KLHL29: variants seen among roughly 807,000 people sequenced by gnomAD.
KLHL29 encodes the protein kelch like family member 29.
In KLHL29, 21 loss-of-function variants were observed where a neutral mutation model predicts 80.4. The ratio of observed to expected loss-of-function variants is 0.26; its 90% CI spans 0.19 to 0.38. The LOEUF (loss-of-function observed/expected upper bound fraction) is 0.38. Among genes scored for constraint, KLHL29 ranks in the 10% least tolerant of loss-of-function variants. The pLI is 1.00. For missense variants in KLHL29, 867 were observed against 1,223.9 expected, an observed-to-expected ratio of 0.71 and a Z score of 4.35; for synonymous variants, 511 against 526.8, an observed-to-expected ratio of 0.97 and a Z score of 0.41.
chr2:23,411,421 GT>G (rs1558328194), intron 1 of KLHL29, among the ~76,000 whole-genome samples: 7 of 150,988 alleles, frequency 4.6e-5, no homozygotes, highest in Admixed American at 4.6e-4. Flanking sequence ...GTGTGTGTGT[GT>G]GTGGTCAAGG....
intron 2 of KLHL29, among the ~76,000 whole-genome samples, chr2:23,536,694 A>T (rs1407498466): frequency 6.6e-6 from 1 of 152,144 alleles, no homozygotes; most frequent in African/African-American, 2.4e-5. Flanking sequence ...GGTTTGCTGC[A>T]GTCAGGCCGT....
chr2:23,448,088 A>G (rs149729310), intron 1 of KLHL29, among the ~76,000 whole-genome samples: 161 of 152,212 alleles, frequency 1.1e-3, no homozygotes, highest in African/African-American at 3.8e-3. Flanking sequence ...AAAATACTCA[A>G]AGTATTAGTA....
Position 23,555,131 on chromosome 2 carries a change from CT to C in KLHL29, c.-45-7020del, listed in dbSNP as rs1243991177. On this transcript the variant is annotated intron_variant, in intron 2 of 13. Transcript: ENST00000486442. ...TATGGAGGATGACCTCCCCCCCCCC[CT>C]CAACTTGTGTCTCCCAGTGTCCCTG... Among the ~76,000 whole-genome samples, 356 of 110,622 alleles carry C rather than the reference CT, an allele frequency of 3.2e-3. 1 individual carries two copies. The highest frequency in any genetic ancestry group is 0.011 in the African/African-American group (231 of 20,810). The allele number at this position is 110,622 out of a possible 152,430, so 72.6% of individuals were successfully genotyped here.
At position 23,700,459 on chromosome 2, in the gene KLHL29, C is replaced by G. The variant is rs1184021413; in HGVS notation, c.2106-2727C>G. Reference sequence around the variant, plus strand: ...ATTGCGCCTCTCCAGGGAGGAGATTCCAGAGAATGGTGGCCACAGCACATC... The same window carrying G: ...ATTGCGCCTCTCCAGGGAGGAGATTGCAGAGAATGGTGGCCACAGCACATC... On this transcript the variant is annotated intron_variant, in intron 11 of 13. Coordinates refer to ENST00000486442, the MANE Select transcript of KLHL29 (RefSeq NM_052920.2). The surrounding 1 kb of genome is among the most constrained non-coding windows in gnomAD (Gnocchi z 4.6). Among the ~76,000 whole-genome samples, 1 of 152,150 alleles carries G rather than the reference C, an allele frequency of 6.6e-6. No homozygotes were observed.
intron 5 of KLHL29, among the ~76,000 whole-genome samples, chr2:23,670,857 G>A (rs1478526079): frequency 1.4e-5 from 2 of 146,198 alleles, no homozygotes; most frequent in East Asian, 4.2e-4. Flanking sequence ...CTTCCTCCTG[G>A]AAGACCATGA....
intron 3 of KLHL29, chr2:23,617,517 G>A (rs1036860029): frequency 6.6e-6 from 1 of 152,230 alleles, no homozygotes; most frequent in African/African-American, 2.4e-5. Flanking sequence ...GCGTTAATAG[G>A]GGAAGGCTGT....
At chr2:23,390,360 C>T (rs1384747273) in intron 1 of KLHL29, among the ~76,000 whole-genome samples, 1 of 152,124 alleles carries the variant, frequency 6.6e-6, no homozygotes, top group African/African-American at 2.4e-5. Flanking sequence ...ACAAGAACGG[C>T]GAGCATGGTT....
chr2:23,589,055 G>A (rs974648865), intron 3 of KLHL29, among the ~76,000 whole-genome samples: 7 of 152,224 alleles, frequency 4.6e-5, no homozygotes, highest in African/African-American at 9.6e-5. Flanking sequence ...CCCAGGATGC[G>A]TCTTATTCAT....
At chr2:23,521,109 T>C (rs1296374721) in intron 2 of KLHL29, among the ~76,000 whole-genome samples, 1 of 152,014 alleles carries the variant, frequency 6.6e-6, no homozygotes, top group Non-Finnish European at 1.5e-5. Flanking sequence ...ATGGTGGATA[T>C]TCCTGTATCC....
chr2:23,491,677 T>C (rs929338014), intron 2 of KLHL29, among the ~76,000 whole-genome samples: 10 of 152,126 alleles, frequency 6.6e-5, no homozygotes, highest in African/African-American at 2.4e-4. Flanking sequence ...GATCTCCTGT[T>C]CTCAGCTCTG....
chr2:23,627,656 C>T (rs1020664663), intron 3 of KLHL29, among the ~76,000 whole-genome samples: 2 of 152,142 alleles, frequency 1.3e-5, no homozygotes, highest in Non-Finnish European at 2.9e-5. Context: ...CGCTGCCCCT[C>T]GGTGTGACTC....
At chr2:23,644,418 CT>C (rs1669864197) in intron 5 of KLHL29, 1 of 152,256 alleles carries the variant, frequency 6.6e-6, no homozygotes, top group Non-Finnish European at 1.5e-5. Flanking sequence ...CACATAGCCC[CT>C]CTGGGCTAAT....
chr2:23,693,260 C>T lies in KLHL29; in HGVS notation c.1283-9C>T, dbSNP rs188106214. 7.4e-5 allele frequency: 114 copies of T among 1,539,218 alleles called. No individual in the cohort carries two copies. The African/African-American group carries it at 1.3e-3, about 17-fold the overall frequency. On this transcript the variant is annotated splice_polypyrimidine_tract_variant and intron_variant, in intron 7 of 13. Coordinates refer to ENST00000486442, the MANE Select transcript of KLHL29 (RefSeq NM_052920.2). ...CTTTGGGTCAGTGGTCCTGCGCTGTCGCCCCCAGAGAAGCAGCTGACGGCC... is the reference window on the plus strand; with the variant it reads ...CTTTGGGTCAGTGGTCCTGCGCTGTTGCCCCCAGAGAAGCAGCTGACGGCC...
chr2:23,419,191 A>G (rs1191572411), intron 1 of KLHL29, among the ~76,000 whole-genome samples: 1 of 152,258 alleles, frequency 6.6e-6, no homozygotes, highest in Non-Finnish European at 1.5e-5. Flanking sequence ...AAGAGCTTCC[A>G]TAAGGTCACA....
At chr2:23,559,722 G>T (rs966800364) in intron 2 of KLHL29, among the ~76,000 whole-genome samples, 25 of 152,122 alleles carry the variant, frequency 1.6e-4, no homozygotes, top group Admixed American at 5.9e-4. Context: ...GCGGCAGGCT[G>T]CAGGGAGGTG....
chr2:23,496,516 T>C (rs986140733), intron 2 of KLHL29, among the ~76,000 whole-genome samples: 1 of 151,996 alleles, frequency 6.6e-6, no homozygotes, highest in Admixed American at 6.6e-5. Flanking sequence ...CGGAAAGATA[T>C]GTTTTCCCCC....
chr2:23,456,727 T>C (rs1285334034), intron 1 of KLHL29, among the ~76,000 whole-genome samples: 1 of 152,208 alleles, frequency 6.6e-6, no homozygotes, highest in Non-Finnish European at 1.5e-5. Context: ...TGACAACTTA[T>C]TTATGAGTAT....
intron 5 of KLHL29, among the ~76,000 whole-genome samples, chr2:23,659,847 G>A (rs982536031): frequency 5.3e-5 from 8 of 151,666 alleles, no homozygotes; most frequent in African/African-American, 1.7e-4. Flanking sequence ...CCTGGGTGGC[G>A]TGCTGCCTCC....
intron 1 of KLHL29, among the ~76,000 whole-genome samples, chr2:23,452,903 C>A (rs1027945059): frequency 1.4e-5 from 2 of 140,694 alleles, no homozygotes; most frequent in Admixed American, 1.4e-4. Flanking sequence ...AGACTGGTCA[C>A]CCCCCCGCCC....
Sources: gnomAD v4.1 joint callset for allele counts (sites outside exome capture counted in the v4.1 genomes callset) on GRCh38, gnomAD v4.1.1 for gene constraint, Gnocchi (gnomAD v3.1) non-coding constraint, MANE v1.5 for transcripts, NCBI Gene and HGNC (gene_info 2026-07-23, HGNC 2026-07-21) for gene names.